Variants in WDR89 observed in about 807,000 individuals in gnomAD.
The protein encoded by WDR89 is WD repeat domain 89.
Under a neutral mutation model 29.1 loss-of-function variants are expected in WDR89, and 17 were observed. The observed-to-expected ratio is 0.58, with a 90% CI of 0.40 to 0.88. The LOEUF (loss-of-function observed/expected upper bound fraction) is 0.88. Among genes scored for constraint, WDR89 ranks in the 40% least tolerant of loss-of-function variants. WDR89 has a pLI of 0.00. For missense variants in WDR89, 396 were observed against 456.3 expected, an observed-to-expected ratio of 0.87 and a Z score of 1.20; for synonymous variants, 138 against 157.8, an observed-to-expected ratio of 0.87 and a Z score of 0.94.
intron 1 of WDR89, among the ~76,000 whole-genome samples, chr14:63,633,737 T>C (rs563493052): frequency 6.6e-6 from 1 of 152,356 alleles, no homozygotes; most frequent in South Asian, 2.1e-4. Flanking sequence ...ATTTCCTCTC[T>C]ACTGAACACA....
At chr14:63,622,266 C>G (rs1308153531) in intron 2 of WDR89, among the ~76,000 whole-genome samples, 1 of 152,014 alleles carries the variant, frequency 6.6e-6, no homozygotes, top group African/African-American at 2.4e-5. Flanking sequence ...GAAACCACGT[C>G]TCTACTAAAA....
At chr14:63,603,895 C>T (rs904114228) in intron 2 of WDR89, among the ~76,000 whole-genome samples, 1 of 152,196 alleles carries the variant, frequency 6.6e-6, no homozygotes, top group African/African-American at 2.4e-5. Flanking sequence ...GTGGTTTTCC[C>T]GCCAGACAAA....
intron 2 of WDR89, among the ~76,000 whole-genome samples, chr14:63,604,222 C>T (rs1424540886): frequency 9.9e-5 from 15 of 152,088 alleles, no homozygotes; most frequent in Admixed American, 9.8e-4. Context: ...CCCAGGGGTT[C>T]GAGACCAGCC....
intron 2 of WDR89, among the ~76,000 whole-genome samples, chr14:63,620,482 G>A (rs1882626435): frequency 6.6e-6 from 1 of 152,190 alleles, no homozygotes; most frequent in South Asian, 2.1e-4. Flanking sequence ...GAATCAGGGA[G>A]ATGTCGATCA....
intron 1 of WDR89, among the ~76,000 whole-genome samples, chr14:63,638,472 C>T (rs1883891381): frequency 6.6e-6 from 1 of 152,142 alleles, no homozygotes; most frequent in South Asian, 2.1e-4. Context: ...AATAAACAGT[C>T]TTTTCTCTAG....
intron 2 of WDR89, among the ~76,000 whole-genome samples, chr14:63,611,245 G>T (rs950838056): frequency 1.4e-5 from 2 of 145,564 alleles, no homozygotes; most frequent in East Asian, 2.2e-4. Context: ...GCTGAGGCAT[G>T]AGAATCACTT....
At chr14:63,634,379 G>A (rs1883599017) in intron 1 of WDR89, among the ~76,000 whole-genome samples, 1 of 152,108 alleles carries the variant, frequency 6.6e-6, no homozygotes, top group South Asian at 2.1e-4. Flanking sequence ...AAAATTAGCT[G>A]GGCCTGGTGG....
chr14:63,637,977 G>A lies in WDR89; in HGVS notation c.-138+3827C>T, dbSNP rs369853840. Among the ~76,000 whole-genome samples, 593 of 151,054 alleles carry A rather than the reference G, an allele frequency of 3.9e-3. 1 individual carries two copies. Among genetic ancestry groups the A allele is most frequent in the Non-Finnish European group, 6.5e-3 (443 of 67,874 alleles). ...ATTTTTTTTTTTTCAAAACAGCCTC[G>A]CTCTGTTACCCAGGCTGGAGTGCAG... is the stretch of plus-strand genomic sequence containing the variant. On this transcript the variant is annotated intron_variant, in intron 1 of 2. Coordinates refer to ENST00000620954, the MANE Select transcript of WDR89 (RefSeq NM_080666.4).
chr14:63,605,149 T>C (rs565515975), intron 2 of WDR89, among the ~76,000 whole-genome samples: 29 of 143,024 alleles, frequency 2.0e-4, no homozygotes, highest in African/African-American at 8.0e-4. Context: ...ACACGTGCTG[T>C]CTGTCTCTCT....
intron 2 of WDR89, among the ~76,000 whole-genome samples, chr14:63,600,568 C>T (rs904966461): frequency 6.6e-6 from 1 of 151,456 alleles, no homozygotes; most frequent in Non-Finnish European, 1.5e-5. Flanking sequence ...CATGTACATA[C>T]GCCACCCAGT....
intron 1 of WDR89, among the ~76,000 whole-genome samples, chr14:63,634,830 A>G (rs776503480): frequency 2.7e-5 from 4 of 149,070 alleles, no homozygotes; most frequent in Non-Finnish European, 5.9e-5. Flanking sequence ...AGATCGCACC[A>G]TTGCACTGCA....
intron 1 of WDR89, among the ~76,000 whole-genome samples, chr14:63,630,289 A>G (rs1277024934): frequency 1.3e-5 from 2 of 151,832 alleles, no homozygotes; most frequent in Admixed American, 1.3e-4. Flanking sequence ...AATGTAGAAG[A>G]TGGATTTAAA....
intron 2 of WDR89, among the ~76,000 whole-genome samples, chr14:63,606,982 C>G (rs1895352427): frequency 6.6e-6 from 1 of 152,100 alleles, no homozygotes. Flanking sequence ...TATTAAAGTA[C>G]TGCTGTCAAC....
chr14:63,601,371 A>G, intron 2 of WDR89: 1 of 592,920 alleles, frequency 1.7e-6, no homozygotes, highest in East Asian at 2.8e-5. Context: ...ACTGTGCTCT[A>G]AACCACCATA....
chr14:63,612,184 C>T (rs1181270530), intron 2 of WDR89, among the ~76,000 whole-genome samples: 2 of 152,118 alleles, frequency 1.3e-5, no homozygotes, highest in African/African-American at 2.4e-5. Flanking sequence ...AGGACTACCA[C>T]CAACAATCTC....
intron 1 of WDR89, among the ~76,000 whole-genome samples, chr14:63,635,131 A>G (rs1231047834): frequency 6.6e-6 from 1 of 152,202 alleles, no homozygotes; most frequent in Non-Finnish European, 1.5e-5. Flanking sequence ...CATTCTATGA[A>G]GCCAGCATCA....
chr14:63,620,445 T>C lies in WDR89; in HGVS notation c.-32+4483A>G, dbSNP rs1291580584. Among the ~76,000 whole-genome samples, 7 of 151,972 alleles carry C rather than the reference T, an allele frequency of 4.6e-5. No individual in the cohort carries two copies. The East Asian group carries it at 5.8e-4, about 13-fold the overall frequency. ...CCCATGGAAGCAGACAGTAGATAGG[T>C]AGTTAATCAGGGCTGGGGAGGAGGG... is the stretch of plus-strand genomic sequence containing the variant. On this transcript the variant is annotated intron_variant, in intron 2 of 2. Transcript: ENST00000620954.
At chr14:63,612,894 G>C (rs1392186069) in intron 2 of WDR89, among the ~76,000 whole-genome samples, 1 of 152,110 alleles carries the variant, frequency 6.6e-6, no homozygotes, top group Non-Finnish European at 1.5e-5. Context: ...CGTAAGAGTG[G>C]AATATACCTG....
intron 1 of WDR89, among the ~76,000 whole-genome samples, chr14:63,632,836 C>G (rs964211126): frequency 6.6e-6 from 1 of 152,104 alleles, no homozygotes; most frequent in Non-Finnish European, 1.5e-5. Context: ...TTCTCGGTTA[C>G]CATGTCAGCC....
Sources: allele counts gnomAD v4.1 joint callset (sites outside exome capture counted in the v4.1 genomes callset), GRCh38; gene constraint gnomAD v4.1.1; transcripts MANE v1.5; gene names NCBI Gene and HGNC (gene_info 2026-07-23, HGNC 2026-07-21).